The following PLEK2 variants were observed in gnomAD, a reference collection of about 807,000 sequenced individuals.
PLEK2 encodes the protein pleckstrin-2.
In PLEK2, 29 loss-of-function variants were observed where a neutral mutation model predicts 43.8. That is an observed-to-expected ratio of 0.66 (90% CI 0.49 to 0.90). The LOEUF (loss-of-function observed/expected upper bound fraction) is 0.90, where lower values mean the gene tolerates loss of function less well. Among genes scored for constraint, PLEK2 ranks in the 40% least tolerant of loss-of-function variants. The pLI, the probability that PLEK2 is intolerant of heterozygous loss-of-function variation, is 0.00. For synonymous variants in PLEK2, 162 were observed against 173.2 expected (o/e 0.94, Z 0.51); for missense variants, 398 against 448.1 (o/e 0.89, Z 1.01).
intron 1 of PLEK2, among the ~76,000 whole-genome samples, chr14:67,408,865 A>C (rs2086098603): frequency 6.6e-6 from 1 of 152,162 alleles, no homozygotes; most frequent in Non-Finnish European, 1.5e-5. Flanking sequence ...CAACATCTGC[A>C]TAACCATAAT....
intron 1 of PLEK2, among the ~76,000 whole-genome samples, chr14:67,401,898 C>A (rs918777037): frequency 1.3e-5 from 2 of 152,030 alleles, no homozygotes; most frequent in African/African-American, 4.8e-5. Flanking sequence ...CCGAGGTGGG[C>A]GGATCACCCA....
In PLEK2 at chr14:67,412,045, C is replaced by A; in HGVS notation, c.15G>T (p.Val5=). 6.4e-7 allele frequency: 1 copy of A among 1,556,040 alleles called. No homozygotes were observed. The highest frequency in any genetic ancestry group is 8.7e-7 in the Non-Finnish European group (1 of 1,154,216). The change falls in exon 1 of 9, where the codon GTG becomes GTT. Residue 5 remains valine (V), a synonymous_variant. Transcript: ENST00000216446. ...TCTTGACCAGGAAGCCCTCCTTGAG[C>A]ACGCCGTCCTCCATGTCGCCGCCCG... The part of the protein sequence containing the change: MEDG[V]LKEGFLVKRG...
At chr14:67,390,804 G>T in intron 6 of PLEK2, 58 bp from the exon 7 acceptor site, 1 of 1,186,514 alleles carries the variant, frequency 8.4e-7, no homozygotes, top group Non-Finnish European at 1.3e-6. Flanking sequence ...CCTCTCTCCT[G>T]TATCTATGCA....
chr14:67,404,905 T>C (rs967102319), intron 1 of PLEK2, among the ~76,000 whole-genome samples: 12 of 152,030 alleles, frequency 7.9e-5, no homozygotes, highest in African/African-American at 2.7e-4. Context: ...ATGTAAACAA[T>C]GGTCACCTCT....
At chr14:67,395,168 C>T (rs573491144) in intron 3 of PLEK2, among the ~76,000 whole-genome samples, 76 of 152,126 alleles carry the variant, frequency 5.0e-4, no homozygotes, top group Non-Finnish European at 9.3e-4. Context: ...TGGAGGTGTG[C>T]AGAGGTGGCA....
At chr14:67,394,907 T>C (rs771225269) in intron 3 of PLEK2, among the ~76,000 whole-genome samples, 5 of 152,144 alleles carry the variant, frequency 3.3e-5, no homozygotes, top group Non-Finnish European at 7.4e-5. Context: ...GCCCCCTCAC[T>C]GTGTGATGCC....
chr14:67,409,883 G>A (rs2086105720), intron 1 of PLEK2, among the ~76,000 whole-genome samples: 1 of 152,176 alleles, frequency 6.6e-6, no homozygotes, highest in Admixed American at 6.5e-5. Context: ...AGGGGATATG[G>A]AGGGTTGAAA....
chr14:67,409,761 A>G (rs1439344200), intron 1 of PLEK2, among the ~76,000 whole-genome samples: 1 of 152,164 alleles, frequency 6.6e-6, no homozygotes, highest in African/African-American at 2.4e-5. Context: ...CTTCCAACGC[A>G]GGCCCTGCCC....
rs541033737 is a variant in PLEK2 at position 67,401,237 on chromosome 14, A to C, written c.43-3411T>G. On this transcript the variant is annotated intron_variant, in intron 1 of 8. Coordinates refer to ENST00000216446, the MANE Select transcript of PLEK2 (RefSeq NM_016445.3). The stretch of plus-strand genomic sequence containing the variant: ...TGCGGTGGCTCAGGCCTGTAATCCC[A>C]GGAATTTGGGAGGCTGAGGCAGAAG... 6.0e-4 allele frequency among the ~76,000 whole-genome samples: 91 copies of C among 152,304 alleles called. 1 individual carries two copies. Among genetic ancestry groups the C allele is most frequent in the African/African-American group, 2.2e-3 (90 of 41,574 alleles).
intron 7 of PLEK2, 85 bp downstream of exon 7, chr14:67,390,578 C>A: frequency 1.0e-6 from 1 of 968,230 alleles, no homozygotes; most frequent in Admixed American, 1.7e-5. Context: ...GGCAGGATAT[C>A]CAGCCAGCTG....
At chr14:67,401,373 G>A (rs150202062) in intron 1 of PLEK2, among the ~76,000 whole-genome samples, 339 of 151,874 alleles carry the variant, frequency 2.2e-3, no homozygotes, top group Middle Eastern at 3.4e-3. Flanking sequence ...TTAGCCAGGC[G>A]TGGTGGCACG....
intron 1 of PLEK2, among the ~76,000 whole-genome samples, chr14:67,401,144 G>T (rs1269056801): frequency 2.6e-5 from 4 of 151,948 alleles, no homozygotes; most frequent in African/African-American, 9.7e-5. Flanking sequence ...AATTAAAATG[G>T]GGTCATTAGG....
intron 2 of PLEK2, 62 bp downstream of exon 2, chr14:67,397,600 G>A (rs2086019541): frequency 1.4e-6 from 2 of 1,396,106 alleles, no homozygotes; most frequent in South Asian, 1.4e-5. Context: ...CTTTCCCAAA[G>A]AGGCCAGAGG....
At chr14:67,388,968 T>A (rs1202241500) in intron 7 of PLEK2, among the ~76,000 whole-genome samples, 2 of 151,888 alleles carry the variant, frequency 1.3e-5, no homozygotes, top group Non-Finnish European at 2.9e-5. Flanking sequence ...CATGAGCCAC[T>A]GCACCCAGCT....
In PLEK2 at chr14:67,393,189, T is replaced by C; in HGVS notation, c.442A>G (p.Asn148Asp). The change falls in exon 4 of 9, where the codon AAC becomes GAC. Residue 148 changes from asparagine (N) to aspartate (D), a missense_variant. By Grantham distance (23) the Asn-to-Asp change is conservative. Transcript: ENST00000216446. ...DSNTGIRSSP[N>D]MEQGSTYKKT... Reference sequence around the variant, plus strand: ...TTATAGGTGCTTCCCTGCTCCATGTTGGGGCTTGAACGGATTCCGGTGTTG... The same window carrying C: ...TTATAGGTGCTTCCCTGCTCCATGTCGGGGCTTGAACGGATTCCGGTGTTG... 1 of 1,614,052 alleles carries C rather than the reference T, an allele frequency of 6.2e-7. No individual in the cohort carries two copies. The highest frequency in any genetic ancestry group is 8.5e-7 in the Non-Finnish European group (1 of 1,179,892).
chr14:67,389,754 C>A (rs2085953379), intron 7 of PLEK2, among the ~76,000 whole-genome samples: 2 of 150,312 alleles, frequency 1.3e-5, no homozygotes, highest in Non-Finnish European at 3.0e-5. Flanking sequence ...GAGTTAAATA[C>A]AAAACTAAAG....
intron 1 of PLEK2, among the ~76,000 whole-genome samples, chr14:67,402,757 C>A (rs981459328): frequency 6.6e-6 from 1 of 152,182 alleles, no homozygotes; most frequent in African/African-American, 2.4e-5. Context: ...ATGACAGGAT[C>A]TCATTCTTTT....
intron 1 of PLEK2, among the ~76,000 whole-genome samples, chr14:67,409,627 G>A (rs1175455422): frequency 6.6e-6 from 1 of 152,076 alleles, no homozygotes; most frequent in Non-Finnish European, 1.5e-5. Flanking sequence ...GGCCCAGTGA[G>A]CTCCTTGCAT....
chr14:67,406,296 G>T (rs2086078355), intron 1 of PLEK2, among the ~76,000 whole-genome samples: 1 of 151,318 alleles, frequency 6.6e-6, no homozygotes, highest in Admixed American at 6.6e-5. Flanking sequence ...GGGATAATTT[G>T]TTATACAACA....
Sources: gnomAD v4.1 joint callset for allele counts (sites outside exome capture counted in the v4.1 genomes callset) on GRCh38, gnomAD v4.1.1 for gene constraint, MANE v1.5 for transcripts, NCBI Gene and HGNC (gene_info 2026-07-23, HGNC 2026-07-21) for gene names.